ASTN1: variants seen among roughly 807,000 people sequenced by gnomAD.
ASTN1 encodes the protein astrotactin 1.
Under a neutral mutation model 140.7 loss-of-function variants are expected in ASTN1, and 41 were observed. The observed-to-expected ratio is 0.29, with a 90% CI of 0.23 to 0.38. ASTN1 has a LOEUF of 0.38. Among genes scored for constraint, ASTN1 ranks in the 10% least tolerant of loss-of-function variants. The probability of loss-of-function intolerance (pLI) is 1.00; values close to 1 mark genes in which losing one functional copy is unlikely to be tolerated. For missense variants in ASTN1, 1,479 were observed against 1,678.8 expected, an observed-to-expected ratio of 0.88 and a Z score of 2.08; for synonymous variants, 640 against 652.2, an observed-to-expected ratio of 0.98 and a Z score of 0.29.
At chr1:176,988,330 A>AAC (rs1430842624) in intron 8 of ASTN1, among the ~76,000 whole-genome samples, 2 of 151,830 alleles carry the variant, frequency 1.3e-5, no homozygotes. Context: ...AAAAAAAAAA[A>AAC]AAACCTTTCC....
chr1:177,126,131 C>A (rs1288313723), intron 1 of ASTN1, among the ~76,000 whole-genome samples: 1 of 152,144 alleles, frequency 6.6e-6, no homozygotes, highest in African/African-American at 2.4e-5. Flanking sequence ...TTGGCTCATT[C>A]CTTGCTGTCA....
At chr1:176,992,305 T>C (rs1674220026) in intron 8 of ASTN1, among the ~76,000 whole-genome samples, 1 of 152,156 alleles carries the variant, frequency 6.6e-6, no homozygotes, top group Admixed American at 6.5e-5. Context: ...AATAAATAAA[T>C]TGAAGTTATT....
At position 176,897,327 on chromosome 1, in the gene ASTN1, C is replaced by CA. The variant is rs199896107; in HGVS notation, c.2672-2498dup. Among the ~76,000 whole-genome samples, 866 of 145,902 alleles carry CA rather than the reference C, an allele frequency of 5.9e-3. 10 individuals are homozygous for CA. Among genetic ancestry groups the CA allele is most frequent in the African/African-American group, 0.018 (718 of 39,658 alleles). On this transcript the variant is annotated intron_variant, in intron 16 of 22. Transcript: ENST00000361833. ...GTAAGTAAAATCCCGGCCCCCCCAC[C>CA]AAAAAAAAATCAGTAAAGATACAGT...
chr1:176,934,975 T>C (rs1192975458), intron 15 of ASTN1, among the ~76,000 whole-genome samples: 2 of 152,150 alleles, frequency 1.3e-5, no homozygotes, highest in Non-Finnish European at 2.9e-5. Flanking sequence ...AATTCTAAAA[T>C]AAAAGGACTG....
chr1:177,026,409 G>C (rs1475339258), intron 5 of ASTN1, among the ~76,000 whole-genome samples: 3 of 151,920 alleles, frequency 2.0e-5, no homozygotes, highest in Non-Finnish European at 4.4e-5. Context: ...CCACACATTT[G>C]GTTGCTCAAA....
chr1:177,043,453 G>C (rs528866024), intron 2 of ASTN1, among the ~76,000 whole-genome samples: 3 of 152,154 alleles, frequency 2.0e-5, no homozygotes, highest in African/African-American at 7.2e-5. Context: ...AGATGACAAC[G>C]GCCATTCCCA....
At chr1:177,160,254 T>C (rs1558139288) in intron 1 of ASTN1, among the ~76,000 whole-genome samples, 1 of 152,220 alleles carries the variant, frequency 6.6e-6, no homozygotes, top group Non-Finnish European at 1.5e-5. Context: ...AACTCCCCCA[T>C]TCTTCTGTTT....
chr1:177,119,968 T>G (rs547377174), intron 1 of ASTN1, among the ~76,000 whole-genome samples: 17 of 152,148 alleles, frequency 1.1e-4, no homozygotes, highest in Non-Finnish European at 2.5e-4. Flanking sequence ...GCCAGGTGCC[T>G]TGTTGCATGG....
chr1:176,876,696 T>A (rs1212643650), intron 20 of ASTN1, 59 bp from the exon 21 acceptor site: 5 of 1,545,082 alleles, frequency 3.2e-6, no homozygotes, highest in Non-Finnish European at 4.4e-6. Context: ...GCTAGATCTC[T>A]GTGGCCCTAG....
intron 8 of ASTN1, among the ~76,000 whole-genome samples, chr1:177,006,530 T>G (rs1675004923): frequency 6.6e-6 from 1 of 152,190 alleles, no homozygotes; most frequent in African/African-American, 2.4e-5. Context: ...GGAATGCCCA[T>G]GCATGCAGTA....
intron 14 of ASTN1, among the ~76,000 whole-genome samples, chr1:176,937,817 A>T (rs1177529031): frequency 6.6e-6 from 1 of 152,172 alleles, no homozygotes; most frequent in Non-Finnish European, 1.5e-5. Flanking sequence ...AATAATACAT[A>T]TGTAGTGAAT....
At chr1:177,120,340 G>A (rs1681318915) in intron 1 of ASTN1, among the ~76,000 whole-genome samples, 1 of 152,192 alleles carries the variant, frequency 6.6e-6, no homozygotes, top group Non-Finnish European at 1.5e-5. Flanking sequence ...GATGGGCACT[G>A]TGAGCCCCAC....
At chr1:176,957,430 T>C (rs1170824217) in intron 11 of ASTN1, among the ~76,000 whole-genome samples, 1 of 152,186 alleles carries the variant, frequency 6.6e-6, no homozygotes, top group African/African-American at 2.4e-5. Flanking sequence ...AATTATTTAG[T>C]TCTTATCAAC....
At chr1:177,064,441 T>G (rs1312324401) in intron 1 of ASTN1, among the ~76,000 whole-genome samples, 1 of 152,184 alleles carries the variant, frequency 6.6e-6, no homozygotes. Flanking sequence ...GTTCCATACC[T>G]ATTAGCAGTC....
chr1:177,104,227 C>G (rs994570734), intron 1 of ASTN1, among the ~76,000 whole-genome samples: 2 of 152,132 alleles, frequency 1.3e-5, no homozygotes, highest in African/African-American at 2.4e-5. Context: ...AGGTTACAGC[C>G]CCCTTGAAAG....
At chr1:176,859,057 C>T (rs1281379807), downstream of ASTN1, among the ~76,000 whole-genome samples, 1 of 152,210 alleles carries the variant, frequency 6.6e-6, no homozygotes, top group Admixed American at 6.5e-5. Context: ...GTGCCTGGCA[C>T]ATAATAAGTA....
At chr1:177,007,772 C>G (rs1233375060) in intron 8 of ASTN1, among the ~76,000 whole-genome samples, 3 of 152,126 alleles carry the variant, frequency 2.0e-5, no homozygotes, top group Non-Finnish European at 2.9e-5. Flanking sequence ...GAGAGGGGAG[C>G]AAAGGGCATC....
intron 17 of ASTN1, among the ~76,000 whole-genome samples, chr1:176,894,327 G>A (rs1669398150): frequency 2.0e-5 from 3 of 152,212 alleles, no homozygotes; most frequent in Admixed American, 1.3e-4. Flanking sequence ...CTACACAGGT[G>A]CTCAGTTGTG....
chr1:177,023,230 C>A, intron 7 of ASTN1, 174 bp downstream of exon 7: 1 of 796,480 alleles, frequency 1.3e-6, no homozygotes, highest in Non-Finnish European at 1.9e-6. Flanking sequence ...AGAAAATGAC[C>A]ACAGTTTTAG....
Sources: gnomAD v4.1 joint callset for allele counts (sites outside exome capture counted in the v4.1 genomes callset) on GRCh38, gnomAD v4.1.1 for gene constraint, MANE v1.5 for transcripts, NCBI Gene and HGNC (gene_info 2026-07-23, HGNC 2026-07-21) for gene names.